Variants in DLGAP2 observed in about 807,000 individuals in gnomAD.
DLGAP2 encodes the protein DLG associated protein 2.
In DLGAP2, 26 loss-of-function variants were observed where a neutral mutation model predicts 100.3. The ratio of observed to expected loss-of-function variants is 0.26; its 90% CI spans 0.19 to 0.36. DLGAP2 has a LOEUF of 0.36. Ranked by LOEUF, DLGAP2 falls within the 10% of genes least tolerant of loss-of-function variation. DLGAP2 has a pLI of 1.00. For synonymous variants in DLGAP2, 886 were observed against 630.1 expected (o/e 1.41, Z -6.08); for missense variants, 1,858 against 1,453.2 (o/e 1.28, Z -4.53).
chr8:1,053,429 G>T (rs778886251), intron 2 of DLGAP2, among the ~76,000 whole-genome samples: 3 of 152,180 alleles, frequency 2.0e-5, no homozygotes, highest in Admixed American at 6.5e-5. Flanking sequence ...TCTCCACAGA[G>T]AAGGAACCAG....
intron 1 of DLGAP2, among the ~76,000 whole-genome samples, chr8:881,165 T>A (rs565671633): frequency 6.6e-6 from 1 of 152,206 alleles, no homozygotes; most frequent in African/African-American, 2.4e-5. Flanking sequence ...CTTAAAACAA[T>A]TCAGGAAAGT....
intron 3 of DLGAP2, among the ~76,000 whole-genome samples, chr8:1,496,064 A>G (rs907691767): frequency 6.6e-6 from 1 of 152,148 alleles, no homozygotes; most frequent in Non-Finnish European, 1.5e-5. Flanking sequence ...TACATAGAGA[A>G]TGTAAAACGC....
chr8:1,151,732 G>A (rs7830830), intron 2 of DLGAP2, among the ~76,000 whole-genome samples: 2,869 of 152,308 alleles, frequency 0.019, 101 homozygotes, highest in African/African-American at 0.065. Flanking sequence ...AGGTGGCGTC[G>A]TCTCATCTTC....
intron 1 of DLGAP2, among the ~76,000 whole-genome samples, chr8:850,098 A>G (rs1180515348): frequency 2.6e-5 from 4 of 151,360 alleles, no homozygotes; most frequent in East Asian, 1.9e-4. Context: ...TTGTATTTTA[A>G]TGTTTGGTTT....
intron 2 of DLGAP2, among the ~76,000 whole-genome samples, chr8:1,188,445 G>A (rs571258958): frequency 4.9e-5 from 6 of 122,300 alleles, no homozygotes; most frequent in African/African-American, 2.1e-4. Flanking sequence ...CCTCCGTGAC[G>A]TTTCCCTCAC....
Position 1,548,810 on chromosome 8 carries a change from C to A in DLGAP2, c.357C>A (p.Pro119=). 1 of 1,581,790 alleles carries A rather than the reference C, an allele frequency of 6.3e-7. No homozygotes were observed. Among genetic ancestry groups the A allele is most frequent in the Non-Finnish European group, 8.6e-7 (1 of 1,168,138 alleles). The change falls in exon 5 of 15, where the codon CCC becomes CCA. Residue 119 remains proline, a synonymous_variant. Coordinates refer to ENST00000637795, the MANE Select transcript of DLGAP2 (RefSeq NM_001346810.2). ...HLHHGPDARP[P]YLLSPADSCP... ...ACCACGGGCCCGACGCGCGGCCGCC[C>A]TACCTGCTGAGCCCCGCCGACAGCT... is the stretch of plus-strand genomic sequence containing the variant.
At chr8:1,419,010 C>T (rs574553039) in intron 3 of DLGAP2, among the ~76,000 whole-genome samples, 16 of 152,390 alleles carry the variant, frequency 1.0e-4, no homozygotes, top group African/African-American at 2.9e-4. Flanking sequence ...CGAAGGGGCA[C>T]ATGGGGCGAG....
At position 1,201,090 on chromosome 8, in the gene DLGAP2, G is replaced by T. The variant is rs147222828; in HGVS notation, c.74-57761G>T. Among the ~76,000 whole-genome samples the T allele has an allele frequency of 4.0e-3, 608 of 152,310 alleles. 2 individuals are homozygous for T. The highest frequency in any genetic ancestry group is 6.1e-3 in the Non-Finnish European group (415 of 68,028). On this transcript the variant is annotated intron_variant, in intron 2 of 14. Coordinates refer to ENST00000637795, the MANE Select transcript of DLGAP2 (RefSeq NM_001346810.2). ...CCGAGATGCCCAGAGACCAGCACTG[G>T]GGAGGCTGCTCCCCGTCCCCGAGGC...
rs1271165422 is a variant in DLGAP2, at chr8:1,311,827, G to A, written c.106+52944G>A. Among the ~76,000 whole-genome samples the A allele has an allele frequency of 9.2e-5, 14 of 152,258 alleles. No homozygotes were observed. The South Asian group carries it at 2.5e-3, about 27-fold the overall frequency. On this transcript the variant is annotated intron_variant, in intron 3 of 14. Transcript: ENST00000637795. ...TGTCCAACATTATGCAATAATAGAG[G>A]GAATAAATCTCCAAGAAGACACAGC...
At chr8:972,316 C>T (rs1800033463) in intron 2 of DLGAP2, among the ~76,000 whole-genome samples, 1 of 152,044 alleles carries the variant, frequency 6.6e-6, no homozygotes, top group Admixed American at 6.5e-5. Flanking sequence ...AAAGCAAGCA[C>T]CAAAATAAGA....
At chr8:958,767 G>T (rs1376642544) in intron 2 of DLGAP2, among the ~76,000 whole-genome samples, 1 of 152,036 alleles carries the variant, frequency 6.6e-6, no homozygotes, top group Non-Finnish European at 1.5e-5. Context: ...TTCAACTATT[G>T]AACCAAGGTA....
chr8:1,366,887 A>G (rs963708544), intron 3 of DLGAP2, among the ~76,000 whole-genome samples: 1 of 152,082 alleles, frequency 6.6e-6, no homozygotes, highest in Non-Finnish European at 1.5e-5. Context: ...TTACATGGCA[A>G]CCCCTCCAAC....
chr8:1,517,703 A>G (rs1221550851), intron 4 of DLGAP2, among the ~76,000 whole-genome samples: 2 of 152,218 alleles, frequency 1.3e-5, no homozygotes, highest in African/African-American at 4.8e-5. Flanking sequence ...GGCAGGCAGC[A>G]GCATTTGCAA....
intron 6 of DLGAP2, among the ~76,000 whole-genome samples, chr8:1,573,319 G>C: frequency 1.5e-5 from 2 of 131,426 alleles, no homozygotes; most frequent in African/African-American, 6.0e-5. Context: ...AGGGTGAACT[G>C]TGGGGGCATC....
chr8:1,202,685 A>G (rs1001719760), intron 2 of DLGAP2, among the ~76,000 whole-genome samples: 8 of 152,112 alleles, frequency 5.3e-5, no homozygotes, highest in African/African-American at 1.9e-4. Flanking sequence ...CAAGGCAGCA[A>G]GTGGGGCCCC....
intron 3 of DLGAP2, among the ~76,000 whole-genome samples, chr8:1,500,873 A>G (rs1488620082): frequency 1.3e-5 from 2 of 152,244 alleles, no homozygotes; most frequent in Non-Finnish European, 1.5e-5. Flanking sequence ...AATATTAAGC[A>G]CTAAGATCAC....
chr8:762,547 CA>C (rs1821112652), intron 1 of DLGAP2, among the ~76,000 whole-genome samples: 1 of 152,136 alleles, frequency 6.6e-6, no homozygotes, highest in Non-Finnish European at 1.5e-5. Context: ...TGCTGACTCC[CA>C]GGGGTCACCC....
chr8:1,284,833 A>T (rs1799890541), intron 3 of DLGAP2, among the ~76,000 whole-genome samples: 1 of 152,064 alleles, frequency 6.6e-6, no homozygotes, highest in Non-Finnish European at 1.5e-5. Flanking sequence ...CTGGTCTGGA[A>T]CTTCTGGCCT....
At chr8:987,906 A>G (rs539234688) in intron 2 of DLGAP2, among the ~76,000 whole-genome samples, 30 of 152,196 alleles carry the variant, frequency 2.0e-4, no homozygotes, top group Admixed American at 1.1e-3. Context: ...CATGTTTTAC[A>G]TATGTGGTCA....
Sources: allele counts gnomAD v4.1 joint callset (sites outside exome capture counted in the v4.1 genomes callset), GRCh38; gene constraint gnomAD v4.1.1; transcripts MANE v1.5; gene names NCBI Gene and HGNC (gene_info 2026-07-23, HGNC 2026-07-21).